IDUA: variants seen among roughly 807,000 people sequenced by gnomAD.
The protein encoded by IDUA is iduronidase alpha-L-.
In IDUA, 65 loss-of-function variants were observed where a neutral mutation model predicts 68.9. That is an observed-to-expected ratio of 0.94 (90% CI 0.77 to 1.16). The LOEUF is 1.16. Ranked by LOEUF, IDUA falls within the 50% of genes most tolerant of loss-of-function variation. IDUA has a pLI of 0.00. For synonymous variants in IDUA, 529 were observed against 433.6 expected (o/e 1.22, Z -2.73); for missense variants, 1,046 against 938.0 (o/e 1.12, Z -1.50).
At chr4:994,619 A>T (rs1714627666) in intron 2 of IDUA, among the ~76,000 whole-genome samples, 1 of 151,764 alleles carries the variant, frequency 6.6e-6, no homozygotes, top group African/African-American at 2.4e-5. Flanking sequence ...TTGTATTTTT[A>T]GTAGAGACGG....
intron 5 of IDUA, 55 bp downstream of exon 5, chr4:1,001,618 G>A (rs1027721760): frequency 6.2e-6 from 10 of 1,609,278 alleles, no homozygotes; most frequent in African/African-American, 2.7e-5. Context: ...AGGAAGGCAG[G>A]AGCAGAGGCT....
rs764406837 is a variant in IDUA at position 1,003,601 on chromosome 4, GGTCGGATGAACAC to G, written c.1706_1718del (p.Ser569TrpfsTer?). 2 of 1,612,452 alleles carry G rather than the reference GGTCGGATGAACAC, an allele frequency of 1.2e-6. No individual in the cohort carries two copies. ...ACCCAAGGGCAGCTGGTTCTGGTCT[GGTCGGATGAACAC>G]GTGGGCTCCAAGTGCGTGAGTGGGG... On this transcript the variant is annotated frameshift_variant, in exon 12 of 14. Transcript: ENST00000514224. LOFTEE classifies it high-confidence loss of function.
intron 2 of IDUA, chr4:989,573 T>C (rs1432069203): frequency 1.3e-6 from 2 of 1,593,424 alleles, no homozygotes; most frequent in South Asian, 2.3e-5. Context: ...TCCCACACCT[T>C]GCGCAGGGCC....
rs947677194 is a variant in IDUA, at chr4:987,363, C to T, written c.158+121C>T. On this transcript the variant is annotated intron_variant, in intron 1 of 13. Coordinates refer to ENST00000514224, the MANE Select transcript of IDUA (RefSeq NM_000203.5). ...CCCTCCTCTGGGGCCCTGGCTCTCCCGGGCCCGCCCCCCGCCGTGTTTGTG... is the reference window on the plus strand; with the variant it reads ...CCCTCCTCTGGGGCCCTGGCTCTCCTGGGCCCGCCCCCCGCCGTGTTTGTG... The T allele has an allele frequency of 1.1e-4, 111 of 998,890 alleles. No homozygotes were observed. In the African/African-American group the frequency reaches 1.5e-3, roughly 13 times the overall value. The allele number at this position is 998,890 out of a possible 1,614,324, so 61.9% of individuals were successfully genotyped here.
At chr4:988,444 C>T (rs1577510276) in intron 2 of IDUA, 2 of 1,070,290 alleles carry the variant, frequency 1.9e-6, no homozygotes, top group South Asian at 3.6e-5. Flanking sequence ...GCAGGGTGGG[C>T]ACCGGGCAGG....
intron 2 of IDUA, among the ~76,000 whole-genome samples, chr4:994,935 C>T (rs892283450): frequency 1.3e-5 from 2 of 152,056 alleles, no homozygotes; most frequent in African/African-American, 2.4e-5. Flanking sequence ...CAAAAACAAA[C>T]GCTGTCATTG....
At position 1,002,121 on chromosome 4, in the gene IDUA, C is replaced by T. The variant is rs377684568; in HGVS notation, c.932C>T (p.Pro311Leu). The change falls in exon 7 of 14, where the codon CCG becomes CTG. Residue 311 changes from proline to leucine, a missense_variant. Physicochemically the swap from Pro to Leu is moderately conservative, Grantham distance 98. Transcript: ENST00000514224. ...DPLVGWSLPQ[P>L]WRADVTYAAM... The stretch of plus-strand genomic sequence containing the variant: ...CTGGTGGGCTGGTCCCTGCCACAGC[C>T]GTGGAGGGCGGACGTGACCTACGCG... 3.0e-4 allele frequency: 469 copies of T among 1,568,078 alleles called. No individual in the cohort carries two copies. The highest frequency in any genetic ancestry group is 3.8e-4 in the Non-Finnish European group (441 of 1,157,380).
At chr4:988,852 G>T (rs779531460) in intron 2 of IDUA, 1 of 1,602,892 alleles carries the variant, frequency 6.2e-7, no homozygotes, top group South Asian at 1.1e-5. Context: ...GGCATCGGTG[G>T]CCTCCAGCTC....
intron 2 of IDUA, among the ~76,000 whole-genome samples, chr4:997,851 C>T (rs989906237): frequency 1.3e-5 from 2 of 152,216 alleles, no homozygotes; most frequent in Admixed American, 1.3e-4. Flanking sequence ...CTGGCCCTGC[C>T]AGATGACACT....
intron 2 of IDUA, chr4:989,953 G>T (rs1269131088): frequency 6.4e-7 from 1 of 1,556,138 alleles, no homozygotes. Flanking sequence ...GACCTGAGGG[G>T]GCATGAAACC....
intron 12 of IDUA, 124 bp downstream of exon 12, chr4:1,003,749 C>G: frequency 9.1e-7 from 1 of 1,093,604 alleles, no homozygotes; most frequent in Non-Finnish European, 1.4e-6. Context: ...CCTCGCCGCC[C>G]TGCGTCCCTG....
intron 2 of IDUA, chr4:989,208 G>GCCC: frequency 6.2e-7 from 1 of 1,609,464 alleles, no homozygotes; most frequent in Non-Finnish European, 8.5e-7. Flanking sequence ...CCGTCTCTGA[G>GCCC]CCCCCCTCCT....
chr4:997,693 C>T (rs1316598146), intron 2 of IDUA, among the ~76,000 whole-genome samples: 3 of 152,174 alleles, frequency 2.0e-5, no homozygotes, highest in East Asian at 3.9e-4. Context: ...TCCATCTCGC[C>T]GGCCCAGTCC....
chr4:1,004,559 A>C lies in IDUA; in HGVS notation c.*166A>C, dbSNP rs1001109501. 1 of 698,262 alleles carries C rather than the reference A, an allele frequency of 1.4e-6. No individual in the cohort carries two copies. Among genetic ancestry groups the C allele is most frequent in the Non-Finnish European group, 2.3e-6 (1 of 438,618 alleles). The allele number at this position is 698,262 out of a possible 1,614,324, so 43.3% of individuals were successfully genotyped here. A position where few individuals can be genotyped will look rare whatever the true frequency, so the allele number is the denominator to read the frequency against. ...CGCCCCCTTTAAAGCGGCTTTGCAC[A>C]GGTCAGTCTCGGGTTGAGGCTCTGT... On this transcript the variant is annotated 3_prime_UTR_variant, in exon 14 of 14. Coordinates refer to ENST00000514224, the MANE Select transcript of IDUA (RefSeq NM_000203.5). This position sits in a 1 kb window ranked among gnomAD's most constrained non-coding sequence, Gnocchi z 5.0.
chr4:1,003,210 G>GT (rs1715225695), intron 10 of IDUA, 53 bp downstream of exon 10: 8 of 1,265,006 alleles, frequency 6.3e-6, no homozygotes, highest in African/African-American at 1.6e-5. Context: ...GTCCCGGGGG[G>GT]GTGGGGTCCG....
rs778231695 is a variant in IDUA at position 1,002,207 on chromosome 4, CG to C, written c.972+47del. 13 of 1,570,160 alleles carry C rather than the reference CG, an allele frequency of 8.3e-6. 2 individuals are homozygous for C. The South Asian group carries it at 1.5e-4, about 18-fold the overall frequency. ...GCGCGCCCCCCGGCCACCTTCCTCCCGAGACGGGACAGGCGAGCGGTGGCCG... is the reference window on the plus strand; with the variant it reads ...GCGCGCCCCCCGGCCACCTTCCTCCCAGACGGGACAGGCGAGCGGTGGCCG... On this transcript the variant is annotated intron_variant, in intron 7 of 13. Coordinates refer to ENST00000514224, the MANE Select transcript of IDUA (RefSeq NM_000203.5).
intron 4 of IDUA, 27 bp from the exon 5 acceptor site, chr4:1,001,441 T>C: frequency 6.3e-7 from 1 of 1,598,426 alleles, no homozygotes; most frequent in South Asian, 1.1e-5. Flanking sequence ...TCACCTGTGC[T>C]GGGGGGACAG....
chr4:990,945 C>G (rs991235147), intron 2 of IDUA: 1 of 618,206 alleles, frequency 1.6e-6, no homozygotes, highest in Non-Finnish European at 2.7e-6. Flanking sequence ...TCCACAGCCT[C>G]TCCGCGTCGG....
In IDUA at chr4:1,000,969, G is replaced by C; in HGVS notation, c.473G>C (p.Ser158Thr). ...TTTGAGTGGAAGGACTTGGTCTCCA[G>C]CCTGGCCAGGAGATACATCGGTGGG... ...QVFEWKDLVSSLARRYIGRYG... is the reference protein window; with the variant it reads ...QVFEWKDLVSTLARRYIGRYG... Residue 158 changes from serine to threonine, a missense_variant, in exon 4 of 14, where the codon AGC becomes ACC. Coordinates refer to ENST00000514224, the MANE Select transcript of IDUA (RefSeq NM_000203.5). 1 of 1,612,984 alleles carries C rather than the reference G, an allele frequency of 6.2e-7. No homozygotes were observed. The highest frequency in any genetic ancestry group is 8.5e-7 in the Non-Finnish European group (1 of 1,179,640).
Sources: gnomAD v4.1 joint callset for allele counts (sites outside exome capture counted in the v4.1 genomes callset) on GRCh38, gnomAD v4.1.1 for gene constraint, Gnocchi (gnomAD v3.1) non-coding constraint, MANE v1.5 for transcripts, NCBI Gene and HGNC (gene_info 2026-07-23, HGNC 2026-07-21) for gene names.